The following STK39 variants were observed in gnomAD, a reference collection of about 807,000 sequenced individuals.
STK39 encodes serine/threonine kinase 39.
A neutral mutation model predicts 77.8 loss-of-function variants in STK39; 20 were observed. That is an observed-to-expected ratio of 0.26 (90% CI 0.18 to 0.37). The LOEUF (loss-of-function observed/expected upper bound fraction) is 0.37, where lower values mean the gene tolerates loss of function less well. Among genes scored for constraint, STK39 ranks in the 10% least tolerant of loss-of-function variants. The probability of loss-of-function intolerance (pLI) is 1.00; values close to 1 mark genes in which losing one functional copy is unlikely to be tolerated. For missense variants in STK39, 479 were observed against 656.5 expected, an observed-to-expected ratio of 0.73 and a Z score of 2.95; for synonymous variants, 246 against 234.1, an observed-to-expected ratio of 1.05 and a Z score of -0.47.
chr2:167,982,746 A>C (rs554276664), intron 16 of STK39, among the ~76,000 whole-genome samples: 48 of 152,186 alleles, frequency 3.2e-4, no homozygotes, highest in Non-Finnish European at 5.7e-4. Context: ...CTGGTAGCCA[A>C]GAATAGGGAG....
chr2:168,176,067 A>G (rs1009667476), intron 2 of STK39, among the ~76,000 whole-genome samples: 2 of 152,194 alleles, frequency 1.3e-5, no homozygotes, highest in Non-Finnish European at 2.9e-5. Flanking sequence ...TGGGATATGA[A>G]TTATTAATGT....
intron 1 of STK39, among the ~76,000 whole-genome samples, chr2:168,196,181 A>G (rs914362536): frequency 4.6e-5 from 7 of 152,264 alleles, no homozygotes; most frequent in Non-Finnish European, 1.0e-4. Flanking sequence ...TTTATGGTTT[A>G]CATGATCACC....
intron 1 of STK39, 88 bp from the exon 2 acceptor site, chr2:168,182,178 T>A (rs1157556584): frequency 4.0e-6 from 4 of 1,004,478 alleles, no homozygotes; most frequent in Admixed American, 1.9e-5. Flanking sequence ...TCAATTTTTT[T>A]AAACTCTTCT....
chr2:168,233,317 G>A (rs957864653), intron 1 of STK39, among the ~76,000 whole-genome samples: 11 of 152,226 alleles, frequency 7.2e-5, no homozygotes, highest in African/African-American at 2.6e-4. Context: ...AATTTTAAAG[G>A]GATTACATAG....
intron 12 of STK39, among the ~76,000 whole-genome samples, chr2:168,066,210 A>G (rs981297376): frequency 2.0e-5 from 3 of 152,196 alleles, no homozygotes; most frequent in African/African-American, 2.4e-5. Flanking sequence ...CAAAATAACT[A>G]TGGTGGTAGT....
intron 16 of STK39, among the ~76,000 whole-genome samples, chr2:167,982,807 A>G (rs1370007520): frequency 6.6e-6 from 1 of 152,144 alleles, no homozygotes; most frequent in African/African-American, 2.4e-5. Flanking sequence ...AGATAGGTAG[A>G]GCTGATCAGG....
intron 14 of STK39, among the ~76,000 whole-genome samples, chr2:168,057,593 T>A (rs1158230076): frequency 1.3e-5 from 2 of 152,188 alleles, no homozygotes; most frequent in Non-Finnish European, 2.9e-5. Context: ...GACACTTACA[T>A]GCTGGGTCAT....
At chr2:168,205,948 A>C (rs1689730402) in intron 1 of STK39, among the ~76,000 whole-genome samples, 2 of 152,238 alleles carry the variant, frequency 1.3e-5, no homozygotes, top group Non-Finnish European at 2.9e-5. Flanking sequence ...ACAATCCTAT[A>C]ATCCCTTATC....
At chr2:167,993,700 G>C (rs1468600234) in intron 16 of STK39, among the ~76,000 whole-genome samples, 1 of 152,172 alleles carries the variant, frequency 6.6e-6, no homozygotes, top group African/African-American at 2.4e-5. Flanking sequence ...ATTTTGAACA[G>C]AGTTTTCTGT....
intron 8 of STK39, among the ~76,000 whole-genome samples, chr2:168,133,035 C>CA (rs1012521894): frequency 2.6e-5 from 4 of 151,882 alleles, no homozygotes; most frequent in Non-Finnish European, 4.4e-5. Context: ...CTCGTGCTAG[C>CA]AAAAAAAGAG....
chr2:167,956,590 C>T (rs991498514), intron 17 of STK39, among the ~76,000 whole-genome samples: 1 of 150,026 alleles, frequency 6.7e-6, no homozygotes, highest in Non-Finnish European at 1.5e-5. Context: ...GAAGCCATTT[C>T]CCTTCAAACC....
intron 10 of STK39, among the ~76,000 whole-genome samples, chr2:168,089,832 C>T (rs749335697): frequency 6.6e-6 from 1 of 152,134 alleles, no homozygotes; most frequent in South Asian, 2.1e-4. Flanking sequence ...AGGCTGGTCT[C>T]GAACTCCTGA....
chr2:168,223,807 G>A (rs1340152353), intron 1 of STK39, among the ~76,000 whole-genome samples: 2 of 152,062 alleles, frequency 1.3e-5, no homozygotes, highest in Non-Finnish European at 1.5e-5. Context: ...CTTGGCACAC[G>A]GCAGGTGCTC....
chr2:168,177,855 G>T (rs1688991748), intron 2 of STK39, among the ~76,000 whole-genome samples: 1 of 152,062 alleles, frequency 6.6e-6, no homozygotes, highest in South Asian at 2.1e-4. Flanking sequence ...CTCCCTCAAG[G>T]GAATACATAT....
At chr2:168,047,535 C>T (rs780372938) in intron 14 of STK39, among the ~76,000 whole-genome samples, 25 of 152,320 alleles carry the variant, frequency 1.6e-4, no homozygotes, top group Admixed American at 2.6e-4. Context: ...TCCAGACAAA[C>T]GTACAAAGTT....
intron 14 of STK39, among the ~76,000 whole-genome samples, chr2:168,018,758 T>C (rs972554858): frequency 2.0e-5 from 3 of 152,140 alleles, no homozygotes; most frequent in Admixed American, 2.0e-4. Flanking sequence ...TCCTGGTCTC[T>C]GTGAACTGTG....
intron 10 of STK39, among the ~76,000 whole-genome samples, chr2:168,119,310 T>C (rs1687346086): frequency 6.6e-6 from 1 of 152,172 alleles, no homozygotes; most frequent in Non-Finnish European, 1.5e-5. Flanking sequence ...TCTACCCGTA[T>C]TTACCAAGCT....
At chr2:168,129,102 T>C (rs1051004503) in intron 10 of STK39, among the ~76,000 whole-genome samples, 2 of 152,212 alleles carry the variant, frequency 1.3e-5, no homozygotes, top group African/African-American at 2.4e-5. Context: ...AAAGGGACCA[T>C]AGGTCTTTCA....
chr2:168,046,408 C>T (rs760795536), intron 14 of STK39, among the ~76,000 whole-genome samples: 1 of 152,094 alleles, frequency 6.6e-6, no homozygotes, highest in South Asian at 2.1e-4. Flanking sequence ...CAAAAGAAAA[C>T]TAGTGAGACA....
Sources: gnomAD v4.1 joint callset for allele counts (sites outside exome capture counted in the v4.1 genomes callset) on GRCh38, gnomAD v4.1.1 for gene constraint, MANE v1.5 for transcripts, NCBI Gene and HGNC (gene_info 2026-07-23, HGNC 2026-07-21) for gene names.